The following SCRIB variants were observed in gnomAD, a reference collection of about 807,000 sequenced individuals.
SCRIB encodes the protein protein scribble homolog.
A neutral mutation model predicts 170.0 loss-of-function variants in SCRIB; 72 were observed. The ratio of observed to expected loss-of-function variants is 0.42; its 90% CI spans 0.35 to 0.52. The LOEUF (loss-of-function observed/expected upper bound fraction) is 0.52, where lower values mean the gene tolerates loss of function less well. SCRIB is among the 20% of genes least tolerant of loss of function. The probability of loss-of-function intolerance (pLI) is 0.02; values close to 1 mark genes in which losing one functional copy is unlikely to be tolerated. For synonymous variants in SCRIB, 1,298 were observed against 1,044.3 expected (o/e 1.24, Z -4.68); for missense variants, 2,475 against 2,338.5 (o/e 1.06, Z -1.20).
intron 6 of SCRIB, 85 bp from the exon 7 acceptor site, chr8:143,813,189 C>T: frequency 6.3e-7 from 1 of 1,585,162 alleles, no homozygotes; most frequent in Non-Finnish European, 8.6e-7. Context: ...CCCCCACACC[C>T]AGCTCCCACC....
intron 1 of SCRIB, chr8:143,814,811 C>G (rs1432455374): frequency 3.9e-5 from 8 of 206,346 alleles, no homozygotes; most frequent in Middle Eastern, 1.7e-3. Context: ...AAGAGTACAT[C>G]AAGAGGGCTC....
chr8:143,791,786 G>C lies in SCRIB; in HGVS notation c.4696-46C>G, dbSNP rs202102895. 68 of 1,504,654 alleles carry C rather than the reference G, an allele frequency of 4.5e-5. 1 individual carries two copies. In the East Asian group the frequency reaches 4.6e-4, roughly 10 times the overall value. 93.2% of individuals were successfully genotyped at this position (1,504,654 alleles called of 1,614,324 possible). On this transcript the variant is annotated intron_variant, in intron 34 of 36. Transcript: ENST00000356994. ...GGAGAGGCAGAGAGTGAGAGGAAAG[G>C]GGGGGATGAGGGCCACGGGGGTGGG...
At chr8:143,807,059 T>G in intron 16 of SCRIB, 46 bp from the exon 17 acceptor site, 1 of 1,395,384 alleles carries the variant, frequency 7.2e-7, no homozygotes, top group Non-Finnish European at 1.0e-6. Context: ...GCAGTGGGGC[T>G]GCCTGTGCTC....
Position 143,791,098 on chromosome 8 carries a change from G to T in SCRIB, c.*65C>A. 2 of 1,358,308 alleles carry T rather than the reference G, an allele frequency of 1.5e-6. No homozygotes were observed. The highest frequency in any genetic ancestry group is 2.7e-4 in the Middle Eastern group (1 of 3,700). The allele number at this position is 1,358,308 out of a possible 1,614,324, so 84.1% of individuals were successfully genotyped here. ...TGCTAACACCCAGGTTAAAAGACTT[G>T]GGGCAAGGGTGGTGCTGGAGCTGGC... On this transcript the variant is annotated 3_prime_UTR_variant, in exon 37 of 37. Coordinates refer to ENST00000356994, the MANE Select transcript of SCRIB (RefSeq NM_182706.5).
intron 17 of SCRIB, 115 bp downstream of exon 17, chr8:143,806,809 C>A (rs782048193): frequency 5.0e-6 from 4 of 796,316 alleles, no homozygotes; most frequent in Non-Finnish European, 7.9e-6. Context: ...TTGGGCCCAG[C>A]CCGTGTCCCC....
chr8:143,815,555 G>C lies in SCRIB; in HGVS notation c.-183C>G, dbSNP rs1586544703. ...GGCCCGGCCCGCGCTCGGAACGCTC[G>C]GACTGCGGGCCTGGGCAGGGGGCGC... On this transcript the variant is annotated 5_prime_UTR_variant, in exon 1 of 37. Coordinates refer to ENST00000356994, the MANE Select transcript of SCRIB (RefSeq NM_182706.5). 1 of 980,646 alleles carries C rather than the reference G, an allele frequency of 1.0e-6. No individual in the cohort carries two copies. The highest frequency in any genetic ancestry group is 1.2e-4 in the East Asian group (1 of 8,684). The allele number at this position is 980,646 out of a possible 1,614,324, so 60.7% of individuals were successfully genotyped here.
At chr8:143,792,678 C>T (rs782567529) in intron 30 of SCRIB, 30 bp downstream of exon 30, 17 of 1,589,690 alleles carry the variant, frequency 1.1e-5, no homozygotes, top group South Asian at 6.7e-5. Context: ...AGCCGAGACC[C>T]AACCCCCACC....
rs200393971 is a variant in SCRIB, at chr8:143,810,980, G to A, written c.1199C>T (p.Thr400Met). ...CTCGCCGGTCCGGGCATCATCCTCC[G>A]TCTGGAACCGGAGCATGGGCTGCGC... Reference protein sequence around the residue: ...NQAQPMLRFQTEDDARTGEKV... With the variant: ...NQAQPMLRFQMEDDARTGEKV... Residue 400 changes from threonine to methionine, a missense_variant, in exon 11 of 37, where the codon ACG becomes ATG. Around this residue, in one of 3 missense-constraint regions of SCRIB, gnomAD observed 487 missense variants for 558.1 expected, o/e 0.87. Transcript: ENST00000356994. 2.6e-5 allele frequency: 42 copies of A among 1,611,570 alleles called. No individual in the cohort carries two copies. The highest frequency in any genetic ancestry group is 9.9e-5 in the South Asian group (9 of 90,878).
intron 28 of SCRIB, chr8:143,793,568 G>A (rs1587507421): frequency 5.6e-6 from 2 of 360,122 alleles, no homozygotes; most frequent in South Asian, 7.3e-5. Context: ...ACAGTGGGGG[G>A]GCAAGGACCC....
At chr8:143,811,829 C>T (rs1815739389) in intron 9 of SCRIB, among the ~76,000 whole-genome samples, 1 of 152,168 alleles carries the variant, frequency 6.6e-6, no homozygotes, top group Non-Finnish European at 1.5e-5. Flanking sequence ...CCACAGCTAG[C>T]TCCTGTTTCC....
chr8:143,806,560 G>A (rs1815435069), intron 17 of SCRIB, 76 bp from the exon 18 acceptor site: 3 of 1,266,216 alleles, frequency 2.4e-6, no homozygotes, highest in Admixed American at 2.0e-5. Context: ...GAAGACCCAG[G>A]AGGGGAAGAC....
chr8:143,810,995 A>C lies in SCRIB; in HGVS notation c.1184T>G (p.Met395Arg), dbSNP rs1815690446. ...LWLAENQAQP[M>R]LRFQTEDDAR... ...ATCATCCTCCGTCTGGAACCGGAGCATGGGCTGCGCCTGGTTCTCTGCCAG... is the reference window on the plus strand; with the variant it reads ...ATCATCCTCCGTCTGGAACCGGAGCCTGGGCTGCGCCTGGTTCTCTGCCAG... Residue 395 changes from methionine (M) to arginine (R), a missense_variant, in exon 11 of 37, where the codon ATG becomes AGG. Physicochemically the swap from Met to Arg is moderately conservative, Grantham distance 91. Transcript: ENST00000356994. The C allele has an allele frequency of 1.9e-6, 3 of 1,611,572 alleles. No homozygotes were observed. The East Asian group carries it at 6.7e-5, about 36-fold the overall frequency.
intron 9 of SCRIB, among the ~76,000 whole-genome samples, chr8:143,811,816 T>G (rs1298553014): frequency 6.6e-6 from 1 of 151,784 alleles, no homozygotes; most frequent in Non-Finnish European, 1.5e-5. Context: ...ATGAACACCC[T>G]CCCCACAGCT....
intron 9 of SCRIB, 33 bp from the exon 10 acceptor site, chr8:143,811,378 G>A (rs775509192): frequency 1.9e-6 from 3 of 1,585,462 alleles, no homozygotes; most frequent in Admixed American, 1.7e-5. Flanking sequence ...AGGACGCTAG[G>A]GGCTTGCTGG....
chr8:143,807,706 C>T, intron 15 of SCRIB, 92 bp from the exon 16 acceptor site: 1 of 1,024,158 alleles, frequency 9.8e-7, no homozygotes, highest in Non-Finnish European at 1.5e-6. Flanking sequence ...GCAGAAAGGA[C>T]AGAGGAGACC....
At chr8:143,808,518 G>A (rs1186649374) in intron 15 of SCRIB, 91 bp downstream of exon 15, 9 of 1,434,746 alleles carry the variant, frequency 6.3e-6, no homozygotes, top group Non-Finnish European at 7.4e-6. Context: ...GGGGCCAGTG[G>A]GTCAGGCCTC....
At position 143,812,811 on chromosome 8, in the gene SCRIB, A is replaced by G. The variant is rs745715796; in HGVS notation, c.787+6T>C. ...GCCCCACCCAGGCACCCCCAGGCAC[A>G]CTAACCGATGCCGTCGGGCAGCCTC... is the stretch of plus-strand genomic sequence containing the variant. On this transcript the variant is annotated splice_donor_region_variant and intron_variant, in intron 8 of 36. Coordinates refer to ENST00000356994, the MANE Select transcript of SCRIB (RefSeq NM_182706.5). 12 of 1,597,362 alleles carry G rather than the reference A, an allele frequency of 7.5e-6. No individual in the cohort carries two copies. The highest frequency in any genetic ancestry group is 1.7e-4 in the Middle Eastern group (1 of 6,044).
intron 24 of SCRIB, among the ~76,000 whole-genome samples, chr8:143,798,486 GT>G (rs1194614477): frequency 2.0e-5 from 3 of 152,178 alleles, no homozygotes; most frequent in Admixed American, 1.3e-4. Flanking sequence ...CACTGTTTTT[GT>G]TTTTTAGAGT....
intron 24 of SCRIB, among the ~76,000 whole-genome samples, chr8:143,797,697 C>T (rs942641914): frequency 2.6e-5 from 4 of 152,324 alleles, no homozygotes; most frequent in Non-Finnish European, 5.9e-5. Flanking sequence ...TCAGACCCAG[C>T]GTGGGGGCAG....
Sources: allele counts gnomAD v4.1 joint callset (sites outside exome capture counted in the v4.1 genomes callset), GRCh38; gene constraint gnomAD v4.1.1; regional missense constraint gnomAD v4.1.1; transcripts MANE v1.5; gene names NCBI Gene and HGNC (gene_info 2026-07-23, HGNC 2026-07-21).